Variants in RGS17 observed in about 807,000 individuals in gnomAD.
The protein encoded by RGS17 is regulator of G-protein signaling 17.
RGS17 carries 12 observed loss-of-function variants against 25.5 expected under a neutral mutation model. The ratio of observed to expected loss-of-function variants is 0.47; its 90% CI spans 0.30 to 0.76. The LOEUF is 0.76. Among genes scored for constraint, RGS17 ranks in the 30% least tolerant of loss-of-function variants. The pLI, the probability that RGS17 is intolerant of heterozygous loss-of-function variation, is 0.07. For missense variants in RGS17, 196 were observed against 242.2 expected (o/e 0.81, Z 1.27); for synonymous variants, 71 against 76.9 (o/e 0.92, Z 0.40).
chr6:153,066,336 T>C (rs1245352482), intron 1 of RGS17, among the ~76,000 whole-genome samples: 1 of 152,032 alleles, frequency 6.6e-6, no homozygotes, highest in Non-Finnish European at 1.5e-5. Context: ...CAATAACAAG[T>C]AACAAGATCA....
rs117806600 is a variant in RGS17 at position 153,034,535 on chromosome 6, C to T, written c.120-7992G>A. 4.7e-3 allele frequency among the ~76,000 whole-genome samples: 713 copies of T among 152,212 alleles called. 3 individuals are homozygous for T. Among genetic ancestry groups the T allele is most frequent in the Non-Finnish European group, 7.4e-3 (501 of 68,000 alleles). Reference sequence around the variant, plus strand: ...AATAATACCTATCAATAAAGGATTACGCAGGGATTTGTGTACATGACTAAT... The same window carrying T: ...AATAATACCTATCAATAAAGGATTATGCAGGGATTTGTGTACATGACTAAT... On this transcript the variant is annotated intron_variant, in intron 2 of 4. Transcript: ENST00000206262.
At chr6:153,106,120 G>A (rs1339522973) in intron 1 of RGS17, among the ~76,000 whole-genome samples, 1 of 152,054 alleles carries the variant, frequency 6.6e-6, no homozygotes, top group East Asian at 1.9e-4. Context: ...CTGAGAAGGG[G>A]GTCAAGGTCG....
chr6:153,014,331 A>T (rs1203306434), intron 4 of RGS17, among the ~76,000 whole-genome samples: 1 of 152,164 alleles, frequency 6.6e-6, no homozygotes. Context: ...TGCTCAAAGA[A>T]AAAAAAGATT....
chr6:153,120,570 C>T (rs183338818), intron 1 of RGS17, among the ~76,000 whole-genome samples: 1 of 152,096 alleles, frequency 6.6e-6, no homozygotes, highest in Non-Finnish European at 1.5e-5. Context: ...CCCTTGACCG[C>T]CCCCCTGCAT....
chr6:153,025,765 A>G (rs1779294785), intron 3 of RGS17, among the ~76,000 whole-genome samples: 2 of 149,486 alleles, frequency 1.3e-5, no homozygotes, highest in South Asian at 4.2e-4. Context: ...AAAAAGGTAA[A>G]TACATATATA....
At chr6:153,115,810 C>G (rs1777535778) in intron 1 of RGS17, among the ~76,000 whole-genome samples, 1 of 152,120 alleles carries the variant, frequency 6.6e-6, no homozygotes, top group Admixed American at 6.6e-5. Context: ...CTGAGAAAAA[C>G]AAGCAATGGG....
chr6:153,115,558 G>A (rs1214763754), intron 1 of RGS17, among the ~76,000 whole-genome samples: 2 of 152,064 alleles, frequency 1.3e-5, no homozygotes, highest in East Asian at 3.9e-4. Flanking sequence ...TTTCTTCACA[G>A]AATTAGGAAA....
At chr6:153,055,721 G>T (rs1776545114) in intron 1 of RGS17, among the ~76,000 whole-genome samples, 1 of 152,152 alleles carries the variant, frequency 6.6e-6, no homozygotes. Flanking sequence ...CAAAGCTTAG[G>T]CAAATTTATT....
chr6:153,020,109 A>ATATATATAT (rs1371960019), intron 4 of RGS17, among the ~76,000 whole-genome samples: 10 of 60,866 alleles, frequency 1.6e-4, no homozygotes, highest in East Asian at 6.0e-4. Context: ...TTAAAAAAAA[A>ATATATATAT]AAATATATAT....
At chr6:153,034,428 C>T (rs1776207307) in intron 2 of RGS17, among the ~76,000 whole-genome samples, 1 of 152,160 alleles carries the variant, frequency 6.6e-6, no homozygotes, top group Admixed American at 6.5e-5. Context: ...AACATGCAAA[C>T]AGAACCTTGC....
At chr6:153,042,880 T>A (rs1216561543) in intron 2 of RGS17, among the ~76,000 whole-genome samples, 1 of 152,176 alleles carries the variant, frequency 6.6e-6, no homozygotes. Flanking sequence ...ACTGTAGAGA[T>A]AATACACAGA....
chr6:153,130,109 G>A lies in RGS17; in HGVS notation c.-26+1015C>T, dbSNP rs1220601688. Among the ~76,000 whole-genome samples, 1 of 152,164 alleles carries A rather than the reference G, an allele frequency of 6.6e-6. No individual in the cohort carries two copies. Among genetic ancestry groups the A allele is most frequent in the East Asian group, 1.9e-4 (1 of 5,172 alleles). The stretch of plus-strand genomic sequence containing the variant: ...ACCCGCGGCTTCCGAGTCCAGCTCT[G>A]TCCCTCCGCCATCCCCTAGTCCTCC... On this transcript the variant is annotated intron_variant, in intron 1 of 4. Coordinates refer to ENST00000206262, the MANE Select transcript of RGS17 (RefSeq NM_012419.5). The surrounding 1 kb of genome is among the most constrained non-coding windows in gnomAD (Gnocchi z 6.4).
At chr6:153,070,703 A>G (rs543130662) in intron 1 of RGS17, among the ~76,000 whole-genome samples, 1,885 of 59,674 alleles carry the variant, frequency 0.032, 29 homozygotes, top group African/African-American at 0.094. Context: ...GTGTGTGTGT[A>G]TATACATATA....
chr6:153,004,873 ACTT>A lies in RGS17; in HGVS notation c.*6698_*6700del, dbSNP rs1297594248. 6.6e-6 allele frequency: 1 copy of A among 152,180 alleles called. No homozygotes were observed. The highest frequency in any genetic ancestry group is 1.5e-5 in the Non-Finnish European group (1 of 68,000). 9.4% of individuals were successfully genotyped at this position (152,180 alleles called of 1,614,324 possible). On this transcript the variant is annotated 3_prime_UTR_variant, in exon 5 of 5. Coordinates refer to ENST00000206262, the MANE Select transcript of RGS17 (RefSeq NM_012419.5). The stretch of plus-strand genomic sequence containing the variant: ...CTTAAGTTGCATTCATGCATTCAAA[ACTT>A]CTTTATTGTCCACTGATAAATATTG...
intron 1 of RGS17, among the ~76,000 whole-genome samples, chr6:153,119,167 T>C (rs975199166): frequency 1.3e-5 from 2 of 152,202 alleles, no homozygotes; most frequent in Non-Finnish European, 2.9e-5. Context: ...TAAAAGACTT[T>C]CAAGTTTTAT....
intron 2 of RGS17, among the ~76,000 whole-genome samples, chr6:153,043,363 G>C (rs1776345738): frequency 6.6e-6 from 1 of 152,020 alleles, no homozygotes; most frequent in Non-Finnish European, 1.5e-5. Context: ...AGGTAGTTGT[G>C]AGTCAATGAC....
intron 1 of RGS17, among the ~76,000 whole-genome samples, chr6:153,066,042 T>C (rs1040701702): frequency 1.9e-4 from 29 of 151,738 alleles, no homozygotes; most frequent in Admixed American, 4.6e-4. Context: ...TTAGCTAGAC[T>C]AAGAAAAAAA....
chr6:153,065,992 A>C (rs1430269710), intron 1 of RGS17, among the ~76,000 whole-genome samples: 2 of 152,138 alleles, frequency 1.3e-5, no homozygotes, highest in Non-Finnish European at 2.9e-5. Context: ...CTGAAACAAA[A>C]ATTTGGTTTC....
At chr6:153,076,715 T>G (rs575028479) in intron 1 of RGS17, among the ~76,000 whole-genome samples, 18 of 152,154 alleles carry the variant, frequency 1.2e-4, no homozygotes, top group Non-Finnish European at 2.6e-4. Flanking sequence ...AATTTAAGCA[T>G]CTAACAAATA....
Sources: allele counts gnomAD v4.1 joint callset (sites outside exome capture counted in the v4.1 genomes callset), GRCh38; gene constraint gnomAD v4.1.1; non-coding constraint Gnocchi (gnomAD v3.1); transcripts MANE v1.5; gene names NCBI Gene and HGNC (gene_info 2026-07-23, HGNC 2026-07-21).